The following PSMA6 variants were observed in gnomAD, a reference collection of about 807,000 sequenced individuals.
The protein encoded by PSMA6 is proteasome 20S subunit alpha 6.
For missense variants in PSMA6, 170 were observed against 294.8 expected, an observed-to-expected ratio of 0.58 and a Z score of 3.10; for synonymous variants, 88 against 97.7, an observed-to-expected ratio of 0.90 and a Z score of 0.59.
intron 1 of PSMA6, among the ~76,000 whole-genome samples, chr14:35,279,051 TTG>T (rs34721796): frequency 0.049 from 7,383 of 152,160 alleles, 262 homozygotes; most frequent in African/African-American, 0.097. Context: ...GTATTCTTTT[TTG>T]TGTGTGTGTT....
Position 35,317,491 on chromosome 14 carries a change from T to C in PSMA6, c.*185T>C. On this transcript the variant is annotated 3_prime_UTR_variant, in exon 7 of 7. Coordinates refer to ENST00000261479, the MANE Select transcript of PSMA6 (RefSeq NM_002791.3). ...GGAAAATAATTGCATCCTGTTGTTT[T>C]CACCTCCTATTTTAAAATTTATTTT... 7.7e-6 allele frequency: 4 copies of C among 516,914 alleles called. No individual in the cohort carries two copies. The highest frequency in any genetic ancestry group is 1.4e-5 in the Non-Finnish European group (4 of 291,014). 32.0% of individuals were successfully genotyped at this position (516,914 alleles called of 1,614,324 possible). A position where few individuals can be genotyped will look rare whatever the true frequency, so the allele number is the denominator to read the frequency against.
In PSMA6 at chr14:35,314,327, A is replaced by G. The variant is rs1325542062; in HGVS notation, c.589-34A>G. The G allele has an allele frequency of 7.1e-6, 11 of 1,547,738 alleles. No homozygotes were observed. The African/African-American group carries it at 1.5e-4, about 21-fold the overall frequency. Reference sequence around the variant, plus strand: ...GAGAAAACCTTGGAATCTCTAAAAAATACTATATTTTAACATTAAATACTT... The same window carrying G: ...GAGAAAACCTTGGAATCTCTAAAAAGTACTATATTTTAACATTAAATACTT... On this transcript the variant is annotated intron_variant, in intron 5 of 6. Transcript: ENST00000261479.
intron 4 of PSMA6, among the ~76,000 whole-genome samples, chr14:35,312,245 G>A (rs1407280837): frequency 1.4e-5 from 2 of 145,520 alleles, no homozygotes; most frequent in Admixed American, 6.9e-5. Context: ...AGTGGCTCAC[G>A]CCTGTAATCC....
At chr14:35,287,169 T>C (rs1231356212) in intron 1 of PSMA6, among the ~76,000 whole-genome samples, 4 of 152,178 alleles carry the variant, frequency 2.6e-5, no homozygotes, top group Non-Finnish European at 5.9e-5. Context: ...AAGGGAAAGA[T>C]ACAGAGCCAG....
chr14:35,288,687 C>T (rs946120747), upstream of PSMA6, among the ~76,000 whole-genome samples: 1 of 152,228 alleles, frequency 6.6e-6, no homozygotes, highest in African/African-American at 2.4e-5. Context: ...AGCTTAAATA[C>T]CATACCACAA....
upstream of PSMA6, chr14:35,292,330 C>G: frequency 4.7e-6 from 7 of 1,494,522 alleles, no homozygotes; most frequent in Non-Finnish European, 6.2e-6. Flanking sequence ...CGAACTGGCT[C>G]CAGAGCCGTG....
intron 1 of PSMA6, among the ~76,000 whole-genome samples, chr14:35,282,855 C>A (rs1414059066): frequency 6.6e-6 from 1 of 151,720 alleles, no homozygotes; most frequent in Non-Finnish European, 1.5e-5. Flanking sequence ...ACCCACACAG[C>A]CTGGGCAACA....
At chr14:35,279,687 A>G (rs1360135188) in intron 1 of PSMA6, among the ~76,000 whole-genome samples, 1 of 152,234 alleles carries the variant, frequency 6.6e-6, no homozygotes, top group Non-Finnish European at 1.5e-5. Flanking sequence ...GAGAACGTCT[A>G]AGGAACAATT....
chr14:35,316,437 C>G (rs1454609684), intron 6 of PSMA6: 14 of 151,674 alleles, frequency 9.2e-5, no homozygotes, highest in African/African-American at 3.4e-4. Context: ...ATGGAGCACT[C>G]TCTGGCTGGT....
intron 1 of PSMA6, among the ~76,000 whole-genome samples, chr14:35,302,822 C>T (rs963340328): frequency 2.0e-5 from 3 of 151,968 alleles, no homozygotes; most frequent in East Asian, 1.9e-4. Context: ...TTAAATTTTA[C>T]GTATTATATT....
At chr14:35,307,907 T>C in intron 1 of PSMA6, 87 bp from the exon 2 acceptor site, 10 of 1,283,570 alleles carry the variant, frequency 7.8e-6, no homozygotes, top group Non-Finnish European at 1.1e-5. Context: ...CATGTAGCTC[T>C]TTCTCATTCT....
intron 1 of PSMA6, among the ~76,000 whole-genome samples, chr14:35,306,161 C>T (rs2051822964): frequency 6.6e-6 from 1 of 151,288 alleles, no homozygotes. Context: ...CCCGGGAGGT[C>T]GAGGCTGCAG....
intron 1 of PSMA6, 46 bp from the exon 2 acceptor site, chr14:35,307,948 C>G: frequency 6.4e-7 from 1 of 1,552,308 alleles, no homozygotes; most frequent in Non-Finnish European, 8.9e-7. Context: ...TTGCAAGAAT[C>G]TACAGTAATT....
At chr14:35,292,707 T>C (rs2051508852) in intron 1 of PSMA6, 155 bp downstream of exon 1, 1 of 1,359,638 alleles carries the variant, frequency 7.4e-7, no homozygotes, top group South Asian at 1.5e-5. Context: ...TCTGTGGTGT[T>C]TGCACCCCCG....
chr14:35,312,824 G>A (rs993686046), intron 4 of PSMA6, 57 bp from the exon 5 acceptor site: 1 of 1,438,684 alleles, frequency 7.0e-7, no homozygotes, highest in South Asian at 1.3e-5. Context: ...CACCAAGAAA[G>A]AGGAGATGTC....
intron 1 of PSMA6, among the ~76,000 whole-genome samples, chr14:35,301,553 C>T (rs991351379): frequency 1.3e-5 from 2 of 151,942 alleles, no homozygotes; most frequent in Non-Finnish European, 2.9e-5. Context: ...ACACTAGCCA[C>T]ATTTTATGTG....
intron 1 of PSMA6, among the ~76,000 whole-genome samples, chr14:35,285,350 AAAAAC>A (rs1267082277): frequency 1.1e-4 from 4 of 37,942 alleles, no homozygotes; most frequent in South Asian, 1.5e-3. Context: ...AAAAAAAACA[AAAAAC>A]AAAAAAAAAA....
chr14:35,282,810 G>A (rs544208991), intron 1 of PSMA6, among the ~76,000 whole-genome samples: 18 of 151,922 alleles, frequency 1.2e-4, no homozygotes, highest in South Asian at 6.2e-4. Context: ...AGCCAAGATC[G>A]AGCCACTGCA....
intron 1 of PSMA6, chr14:35,293,325 A>G (rs1278213912): frequency 1.7e-5 from 4 of 238,470 alleles, no homozygotes; most frequent in East Asian, 1.2e-4. Flanking sequence ...GAAAGAAACT[A>G]TCAGTTACTC....
Sources: gnomAD v4.1 joint callset for allele counts (sites outside exome capture counted in the v4.1 genomes callset) on GRCh38, gnomAD v4.1.1 for gene constraint, MANE v1.5 for transcripts, NCBI Gene and HGNC (gene_info 2026-07-23, HGNC 2026-07-21) for gene names.